The following KIF26B variants were observed in gnomAD, a reference collection of about 807,000 sequenced individuals.
KIF26B encodes the protein kinesin family member 26B, also known as kinesin-like protein KIF26B.
A neutral mutation model predicts 151.2 loss-of-function variants in KIF26B; 63 were observed. That is an observed-to-expected ratio of 0.42 (90% CI 0.34 to 0.51). The LOEUF (loss-of-function observed/expected upper bound fraction) is 0.51. Ranked by LOEUF, KIF26B falls within the 20% of genes least tolerant of loss-of-function variation. KIF26B has a pLI of 0.07. For synonymous variants in KIF26B, 1,357 were observed against 1,262.1 expected, an observed-to-expected ratio of 1.08 and a Z score of -1.59; for missense variants, 2,813 against 2,913.6, an observed-to-expected ratio of 0.97 and a Z score of 0.79.
At chr1:245,220,148 T>TG (rs911175793) in intron 2 of KIF26B, among the ~76,000 whole-genome samples, 2 of 152,096 alleles carry the variant, frequency 1.3e-5, no homozygotes, top group Non-Finnish European at 2.9e-5. Flanking sequence ...GTGGGTAATT[T>TG]GGGGGGTGTG....
Position 245,602,500 on chromosome 1 carries a change from G to T in KIF26B, c.1351-77G>T. 8.8e-7 allele frequency: 1 copy of T among 1,133,404 alleles called. No individual in the cohort carries two copies. Among genetic ancestry groups the T allele is most frequent in the Non-Finnish European group, 1.3e-6 (1 of 769,968 alleles). 70.2% of individuals were successfully genotyped at this position (1,133,404 alleles called of 1,614,324 possible). A position where few individuals can be genotyped will look rare whatever the true frequency, so the allele number is the denominator to read the frequency against. ...CAGTGCTGCCATGTGCATGTATATC[G>T]CAGAGTATACAAGGGTGCTCCATCG... On this transcript the variant is annotated intron_variant, in intron 5 of 14. Coordinates refer to ENST00000407071, the MANE Select transcript of KIF26B (RefSeq NM_018012.4). The surrounding 1 kb of genome is among the most constrained non-coding windows in gnomAD (Gnocchi z 4.5).
At position 245,266,977 on chromosome 1, in the gene KIF26B, C is replaced by T. The variant is rs139202598; in HGVS notation, c.466-99857C>T. On this transcript the variant is annotated intron_variant, in intron 2 of 14. Coordinates refer to ENST00000407071, the MANE Select transcript of KIF26B (RefSeq NM_018012.4). ...GACTGAAGGGCAGGCCCCCTGTGGG[C>T]CTGGTCTTATCCTTATCCTTTTTAG... Among the ~76,000 whole-genome samples, 14 of 152,294 alleles carry T rather than the reference C, an allele frequency of 9.2e-5. No homozygotes were observed. The East Asian group carries it at 2.5e-3, about 27-fold the overall frequency.
chr1:245,638,691 C>T (rs112406129), intron 9 of KIF26B, among the ~76,000 whole-genome samples: 11 of 151,796 alleles, frequency 7.2e-5, no homozygotes, highest in African/African-American at 1.9e-4. Flanking sequence ...ATTTTCATCA[C>T]GAAGGGATAT....
intron 2 of KIF26B, among the ~76,000 whole-genome samples, chr1:245,290,770 G>A (rs899046283): frequency 6.6e-6 from 1 of 152,228 alleles, no homozygotes; most frequent in African/African-American, 2.4e-5. Flanking sequence ...ATTCAAGATG[G>A]AGTTGCTCTG....
chr1:245,331,009 A>G (rs1672098209), intron 2 of KIF26B, among the ~76,000 whole-genome samples: 2 of 151,988 alleles, frequency 1.3e-5, no homozygotes, highest in African/African-American at 4.8e-5. Flanking sequence ...CCGGATGGAA[A>G]ATGCACACAC....
At chr1:245,647,048 C>T (rs2043955513) in intron 10 of KIF26B, among the ~76,000 whole-genome samples, 1 of 152,186 alleles carries the variant, frequency 6.6e-6, no homozygotes, top group African/African-American at 2.4e-5. Flanking sequence ...GCTGCATGAA[C>T]CTTCATTCTT....
chr1:245,202,955 C>G (rs1281917272), intron 2 of KIF26B, among the ~76,000 whole-genome samples: 2 of 138,422 alleles, frequency 1.4e-5, no homozygotes, highest in Non-Finnish European at 3.2e-5. Flanking sequence ...AAAAACAAAA[C>G]AAAACAAAAA....
At chr1:245,409,750 T>A (rs1397512578) in intron 3 of KIF26B, among the ~76,000 whole-genome samples, 3 of 151,400 alleles carry the variant, frequency 2.0e-5, no homozygotes, top group East Asian at 1.9e-4. Flanking sequence ...CAGAGAGGAG[T>A]TTATCTGTCT....
In KIF26B at chr1:245,227,803, C is replaced by T. The variant is rs112471984; in HGVS notation, c.465+71120C>T. ...ATTACCTGAGGTCAGGAGTTTGAGA[C>T]CAGCCTGGCCAACATGGTGGAACCC... On this transcript the variant is annotated intron_variant, in intron 2 of 14. Coordinates refer to ENST00000407071, the MANE Select transcript of KIF26B (RefSeq NM_018012.4). The surrounding 1 kb of genome is among the most constrained non-coding windows in gnomAD (Gnocchi z 4.1). Among the ~76,000 whole-genome samples, 299 of 152,178 alleles carry T rather than the reference C, an allele frequency of 2.0e-3. 1 individual carries two copies. The highest frequency in any genetic ancestry group is 6.9e-3 in the African/African-American group (288 of 41,526).
intron 2 of KIF26B, among the ~76,000 whole-genome samples, chr1:245,308,036 A>G (rs1250028095): frequency 1.3e-5 from 2 of 152,140 alleles, no homozygotes; most frequent in Admixed American, 6.5e-5. Context: ...TTCTATTTCA[A>G]AACTGTCCAT....
At chr1:245,188,530 T>C (rs1321713030) in intron 2 of KIF26B, among the ~76,000 whole-genome samples, 2 of 152,186 alleles carry the variant, frequency 1.3e-5, no homozygotes, top group Non-Finnish European at 2.9e-5. Context: ...ATGACGAAGA[T>C]ATGTTTTAAG....
At chr1:245,287,990 A>AT (rs1558376327) in intron 2 of KIF26B, among the ~76,000 whole-genome samples, 3 of 151,930 alleles carry the variant, frequency 2.0e-5, no homozygotes, top group South Asian at 4.2e-4. Flanking sequence ...AAAAAAAAAA[A>AT]GAACAGAAAA....
intron 2 of KIF26B, among the ~76,000 whole-genome samples, chr1:245,158,630 A>C (rs962263026): frequency 1.3e-5 from 2 of 152,250 alleles, no homozygotes; most frequent in Non-Finnish European, 2.9e-5. Flanking sequence ...ACAGGGGATC[A>C]CTTTAAGTGC....
chr1:245,631,090 G>A (rs1771498), intron 9 of KIF26B, among the ~76,000 whole-genome samples: 3 of 151,984 alleles, frequency 2.0e-5, no homozygotes, highest in African/African-American at 7.3e-5. Context: ...TTTGACTTTC[G>A]CTTTTCCAGT....
intron 3 of KIF26B, among the ~76,000 whole-genome samples, chr1:245,376,626 G>A (rs1039303789): frequency 2.6e-5 from 4 of 152,106 alleles, no homozygotes; most frequent in Non-Finnish European, 5.9e-5. Context: ...TGAGAGACAG[G>A]TGTTTGTTTC....
At chr1:245,219,694 G>A (rs1049553385) in intron 2 of KIF26B, among the ~76,000 whole-genome samples, 2 of 152,044 alleles carry the variant, frequency 1.3e-5, no homozygotes, top group Admixed American at 6.5e-5. Flanking sequence ...TGATTGCACC[G>A]CTGCACTCTA....
intron 4 of KIF26B, among the ~76,000 whole-genome samples, chr1:245,431,156 A>T (rs61831490): frequency 0.097 from 14,719 of 152,164 alleles, 856 homozygotes; most frequent in South Asian, 0.16. Context: ...GCACCACAGA[A>T]GCTATAGGGG....
At chr1:245,443,353 A>C (rs1046944567) in intron 4 of KIF26B, among the ~76,000 whole-genome samples, 1 of 135,082 alleles carries the variant, frequency 7.4e-6, no homozygotes, top group Non-Finnish European at 1.5e-5. Flanking sequence ...TAGAGCTGTC[A>C]TCTCCCTCAC....
At position 245,419,212 on chromosome 1, in the gene KIF26B, C is replaced by T. The variant is rs183530665; in HGVS notation, c.1000-367C>T. ...CCCCACTGCTCCATTTCAGAGCATT[C>T]GGGGCTATTCCTGGTAAGAAGCCAG... On this transcript the variant is annotated intron_variant, in intron 3 of 14. Coordinates refer to ENST00000407071, the MANE Select transcript of KIF26B (RefSeq NM_018012.4). Among the ~76,000 whole-genome samples the T allele has an allele frequency of 7.4e-4, 112 of 152,270 alleles. 1 individual carries two copies. The highest frequency in any genetic ancestry group is 2.0e-3 in the African/African-American group (84 of 41,546).
Sources: allele counts gnomAD v4.1 joint callset (sites outside exome capture counted in the v4.1 genomes callset), GRCh38; gene constraint gnomAD v4.1.1; non-coding constraint Gnocchi (gnomAD v3.1); transcripts MANE v1.5; gene names NCBI Gene and HGNC (gene_info 2026-07-23, HGNC 2026-07-21).